COL4A6: variants seen among roughly 807,000 people sequenced by gnomAD.
The protein encoded by COL4A6 is collagen alpha-6(IV) chain.
COL4A6 carries 59 observed loss-of-function variants against 126.7 expected under a neutral mutation model. The observed-to-expected ratio is 0.47, with a 90% CI of 0.38 to 0.58. The LOEUF is 0.58. Among genes scored for constraint, COL4A6 ranks in the 20% least tolerant of loss-of-function variants. The pLI is 0.00. For missense variants in COL4A6, 1,285 were observed against 1,337.3 expected, an observed-to-expected ratio of 0.96 and a Z score of 0.61; for synonymous variants, 547 against 496.6, an observed-to-expected ratio of 1.10 and a Z score of -1.35.
chrX:108,331,026 G>A (rs2039284125), intron 2 of COL4A6, among the ~76,000 whole-genome samples: 1 of 111,732 alleles, frequency 8.9e-6, no homozygotes, highest in South Asian at 3.8e-4. Context: ...TTATCATCAT[G>A]TGTAAAGGAC....
At chrX:108,424,029 C>T (rs547558262) in intron 2 of COL4A6, among the ~76,000 whole-genome samples, 9 of 111,487 alleles carry the variant, frequency 8.1e-5, no homozygotes, top group African/African-American at 2.6e-4. Flanking sequence ...TCATCCTGTG[C>T]TCTAGCTCTT....
At chrX:108,338,771 G>C (rs950434188) in intron 2 of COL4A6, among the ~76,000 whole-genome samples, 2 of 111,963 alleles carry the variant, frequency 1.8e-5, no homozygotes, top group African/African-American at 6.5e-5. Flanking sequence ...CCCTAGAATT[G>C]GTTATACCTT....
intron 33 of COL4A6, among the ~76,000 whole-genome samples, chrX:108,171,171 C>A (rs2034288794): frequency 8.9e-6 from 1 of 112,190 alleles, no homozygotes; most frequent in African/African-American, 3.2e-5. Context: ...ATAACAACTT[C>A]TAAACTAAGG....
intron 3 of COL4A6, among the ~76,000 whole-genome samples, chrX:108,238,518 C>T (rs1368326351): frequency 1.8e-5 from 2 of 109,815 alleles, no homozygotes; most frequent in African/African-American, 6.6e-5. Flanking sequence ...TGCACAACTA[C>T]TTTGTTGCTT....
chrX:108,276,587 G>A (rs1217347647), intron 3 of COL4A6, among the ~76,000 whole-genome samples: 1 of 112,274 alleles, frequency 8.9e-6, no homozygotes, highest in Non-Finnish European at 1.9e-5. Flanking sequence ...TGTGAAAGAT[G>A]AGGACATTTG....
At chrX:108,291,584 AG>A (rs1377924894) in intron 3 of COL4A6, among the ~76,000 whole-genome samples, 1 of 110,911 alleles carries the variant, frequency 9.0e-6, no homozygotes, top group Non-Finnish European at 1.9e-5. Context: ...GGCTCTGATT[AG>A]TATCTTCACT....
chrX:108,394,375 G>A (rs1308977234), intron 2 of COL4A6, among the ~76,000 whole-genome samples: 1 of 109,690 alleles, frequency 9.1e-6, no homozygotes, highest in Non-Finnish European at 1.9e-5. Context: ...GTATACCTAT[G>A]TAATAAACCT....
chrX:108,230,849 G>T (rs1485046511), intron 3 of COL4A6, among the ~76,000 whole-genome samples: 4 of 111,645 alleles, frequency 3.6e-5, no homozygotes, highest in Non-Finnish European at 3.8e-5. Context: ...TATCCATAGA[G>T]CCATACACTT....
rs1324146527 is a variant in COL4A6, at chrX:108,174,437, T to C, written c.3138+3A>G. 5 of 1,208,479 alleles carry C rather than the reference T, an allele frequency of 4.1e-6. No individual in the cohort carries two copies. The highest frequency in any genetic ancestry group is 5.6e-6 in the Non-Finnish European group (5 of 894,388). On this transcript the variant is annotated splice_donor_region_variant and intron_variant, in intron 31 of 44. Transcript: ENST00000334504. ...ATAAAGACAAAGATCTGGTCACACT[T>C]ACACTTTCTCCTGGCATTCCTGGGA...
chrX:108,350,192 T>A (rs989895100), intron 2 of COL4A6, among the ~76,000 whole-genome samples: 6 of 111,860 alleles, frequency 5.4e-5, no homozygotes, highest in Non-Finnish European at 1.1e-4. Flanking sequence ...AAAAATACAA[T>A]CTGCAATATA....
upstream of COL4A6, chrX:108,438,456 G>A (rs1015571012): frequency 2.0e-5 from 20 of 998,436 alleles, no homozygotes; most frequent in African/African-American, 4.0e-4. Context: ...AGAATGGAGG[G>A]GAAAGGGGCG....
intron 2 of COL4A6, among the ~76,000 whole-genome samples, chrX:108,434,776 A>G (rs1283149822): frequency 9.3e-6 from 1 of 107,329 alleles, no homozygotes; most frequent in Non-Finnish European, 1.9e-5. Flanking sequence ...ATATATATAT[A>G]TATATATTAT....
rs756566121 is a variant in COL4A6, at chrX:108,179,229, G to C, written c.2341C>G (p.Pro781Ala). The C allele has an allele frequency of 1.2e-5, 15 of 1,208,722 alleles. No homozygotes were observed. Among genetic ancestry groups the C allele is most frequent in the Admixed American group, 2.2e-5 (1 of 45,795 alleles). ...HKGFLGDSGL[P>A]GLKGVHGKPG... ...CAAAAAGATTCACCCTTGAGTCCTG[G>C]AAGGCCAGAGTCTCCAAGAAATCCT... is the stretch of plus-strand genomic sequence containing the variant. Residue 781 changes from proline to alanine, a missense_variant, in exon 26 of 45, where the codon CCA (proline) becomes GCA (alanine). Transcript: ENST00000334504.
At chrX:108,384,212 C>T (rs1156321367) in intron 2 of COL4A6, among the ~76,000 whole-genome samples, 3 of 111,632 alleles carry the variant, frequency 2.7e-5, no homozygotes, top group African/African-American at 6.5e-5. Context: ...TCTACCCATC[C>T]ACCCAGACAT....
At chrX:108,378,509 C>G (rs2040491961) in intron 2 of COL4A6, among the ~76,000 whole-genome samples, 1 of 112,300 alleles carries the variant, frequency 8.9e-6, no homozygotes, top group Non-Finnish European at 1.9e-5. Context: ...GCTATAGAAG[C>G]TGGCCAGATG....
intron 41 of COL4A6, among the ~76,000 whole-genome samples, chrX:108,162,301 G>T (rs1201972220): frequency 1.8e-5 from 2 of 109,793 alleles, no homozygotes; most frequent in Non-Finnish European, 3.8e-5. Context: ...AGTGAGGTGA[G>T]ATGGCACCAA....
chrX:108,295,283 C>T (rs774620834), intron 3 of COL4A6, among the ~76,000 whole-genome samples: 6 of 111,912 alleles, frequency 5.4e-5, no homozygotes, highest in Admixed American at 2.8e-4. Flanking sequence ...TTGCAACTTC[C>T]CCCTTGGGCT....
At chrX:108,414,235 T>C (rs762147300) in intron 2 of COL4A6, among the ~76,000 whole-genome samples, 2 of 112,450 alleles carry the variant, frequency 1.8e-5, no homozygotes, top group East Asian at 5.6e-4. Flanking sequence ...TGCCATTTTG[T>C]ACTTTCTGTC....
Position 108,160,766 on chromosome X carries a change from T to G in COL4A6, c.4334-112A>C, listed in dbSNP as rs541609556. The G allele has an allele frequency of 1.6e-4, 110 of 689,669 alleles. No homozygotes were observed. The South Asian group carries it at 4.1e-3, about 26-fold the overall frequency. The allele number at this position is 689,669 out of a possible 1,213,427, so 56.8% of individuals were successfully genotyped here. ...ATGTTATACACATGTATTATCTCAC[T>G]CAATCCTCACGATGACCCTGGAAAA... On this transcript the variant is annotated intron_variant, in intron 42 of 44. Transcript: ENST00000334504.
Sources: allele counts gnomAD v4.1 joint callset (sites outside exome capture counted in the v4.1 genomes callset), GRCh38; gene constraint gnomAD v4.1.1; transcripts MANE v1.5; gene names NCBI Gene and HGNC (gene_info 2026-07-23, HGNC 2026-07-21).